DYNC1H1: variants seen among roughly 807,000 people sequenced by gnomAD.
DYNC1H1 encodes dynein cytoplasmic 1 heavy chain 1.
Under a neutral mutation model 527.1 loss-of-function variants are expected in DYNC1H1, and 51 were observed. The ratio of observed to expected loss-of-function variants is 0.10; its 90% CI spans 0.08 to 0.12. The LOEUF (loss-of-function observed/expected upper bound fraction) is 0.12, where lower values mean the gene tolerates loss of function less well. Ranked by LOEUF, DYNC1H1 falls within the 10% of genes least tolerant of loss-of-function variation. The pLI, the probability that DYNC1H1 is intolerant of heterozygous loss-of-function variation, is 1.00. For synonymous variants in DYNC1H1, 2,189 were observed against 2,278.8 expected, an observed-to-expected ratio of 0.96 and a Z score of 1.12; for missense variants, 2,771 against 5,971.8, an observed-to-expected ratio of 0.46 and a Z score of 17.66.
chr14:101,983,760 C>G lies in DYNC1H1; in HGVS notation c.1461+151C>G. On this transcript the variant is annotated intron_variant, in intron 7 of 77. Coordinates refer to ENST00000360184, the MANE Select transcript of DYNC1H1 (RefSeq NM_001376.5). The surrounding 1 kb of genome is among the most constrained non-coding windows in gnomAD (Gnocchi z 5.3). ...TGGCATGATCTTGGCTCACTGCAAC[C>G]TCCGCCTTCTGGGTTCAAGCGATTC... is the stretch of plus-strand genomic sequence containing the variant. The G allele has an allele frequency of 1.1e-6, 1 of 889,414 alleles. No homozygotes were observed. The highest frequency in any genetic ancestry group is 1.7e-6 in the Non-Finnish European group (1 of 578,064). 55.1% of individuals were successfully genotyped at this position (889,414 alleles called of 1,614,324 possible).
chr14:102,047,641 G>GTGTGTGTA, intron 72 of DYNC1H1, 176 bp from the exon 73 acceptor site: 4 of 316,750 alleles, frequency 1.3e-5, no homozygotes, highest in East Asian at 6.9e-5. Flanking sequence ...GTGTGTGTGT[G>GTGTGTGTA]TATATATATA....
chr14:102,025,501 G>T (rs1286398417), intron 43 of DYNC1H1, among the ~76,000 whole-genome samples: 2 of 148,810 alleles, frequency 1.3e-5, no homozygotes, highest in African/African-American at 5.0e-5. Context: ...GGCAGAGGTT[G>T]CAGTGAGCTG....
At position 102,047,620 on chromosome 14, in the gene DYNC1H1, CGTGT is replaced by C. The variant is rs71116873; in HGVS notation, c.13007-178_13007-175del. On this transcript the variant is annotated intron_variant, in intron 72 of 77. Transcript: ENST00000360184. ...ATATACACATATATGTATATATACA[CGTGT>C]GTGTGTGTGTGTGTGTGTATATATA... 6.0e-3 allele frequency: 1,955 copies of C among 323,480 alleles called. 78 individuals carry two copies. Among genetic ancestry groups the C allele is most frequent in the African/African-American group, 0.053 (1,370 of 25,654 alleles). 20.0% of individuals were successfully genotyped at this position (323,480 alleles called of 1,614,324 possible). A position where few individuals can be genotyped will look rare whatever the true frequency, so the allele number is the denominator to read the frequency against.
Position 102,022,692 on chromosome 14 carries a change from A to C in DYNC1H1, c.8508-59A>C, listed in dbSNP as rs966081004. 4.3e-6 allele frequency: 7 copies of C among 1,612,466 alleles called. No homozygotes were observed. In the East Asian group the frequency reaches 1.6e-4, roughly 36 times the overall value. On this transcript the variant is annotated intron_variant, in intron 42 of 77. Transcript: ENST00000360184. ...CACAGCACCCACAAACATGGTGAAC[A>C]TGGTGCTTCTTCACCGTGCCCTCTA...
At chr14:101,994,880 A>G (rs1355337286) in intron 13 of DYNC1H1, 31 bp downstream of exon 13, 12 of 1,614,022 alleles carry the variant, frequency 7.4e-6, no homozygotes, top group East Asian at 2.2e-5. Flanking sequence ...GAAAGGTGTC[A>G]CGGGTAGTGT....
chr14:102,033,727 A>G lies in DYNC1H1; in HGVS notation c.10413+243A>G, dbSNP rs1362180950. Reference sequence around the variant, plus strand: ...CGTTGAATCCCCCACCAGCAGCTCCAGACCTGTTTGCTCTGCTGCCTGAGG... The same window carrying G: ...CGTTGAATCCCCCACCAGCAGCTCCGGACCTGTTTGCTCTGCTGCCTGAGG... On this transcript the variant is annotated intron_variant, in intron 54 of 77. Transcript: ENST00000360184. The surrounding 1 kb of genome is among the most constrained non-coding windows in gnomAD (Gnocchi z 5.6). 49 of 686,442 alleles carry G rather than the reference A, an allele frequency of 7.1e-5. No individual in the cohort carries two copies. The East Asian group carries it at 1.1e-3, about 16-fold the overall frequency. 42.5% of individuals were successfully genotyped at this position (686,442 alleles called of 1,614,324 possible). A position where few individuals can be genotyped will look rare whatever the true frequency, so the allele number is the denominator to read the frequency against.
In DYNC1H1 at chr14:102,049,906, A is replaced by C. The variant is rs2048781337; in HGVS notation, c.13684+24A>C. 6.2e-7 allele frequency: 1 copy of C among 1,613,760 alleles called. No homozygotes were observed. The highest frequency in any genetic ancestry group is 1.7e-5 in the Admixed American group (1 of 60,018). The stretch of plus-strand genomic sequence containing the variant: ...GGGTGAGTGGAGTCTCACAGAAAAT[A>C]CTGGCTCTTTGCAGGTGACCTCGGT... On this transcript the variant is annotated intron_variant, in intron 76 of 77. Coordinates refer to ENST00000360184, the MANE Select transcript of DYNC1H1 (RefSeq NM_001376.5). The surrounding 1 kb of genome is among the most constrained non-coding windows in gnomAD (Gnocchi z 5.5).
Position 101,994,262 on chromosome 14 carries a change from G to T in DYNC1H1, c.3094G>T (p.Ala1032Ser). The T allele has an allele frequency of 6.2e-7, 1 of 1,614,198 alleles. No homozygotes were observed. The highest frequency in any genetic ancestry group is 8.5e-7 in the Non-Finnish European group (1 of 1,180,036). Residue 1032 changes from alanine (A) to serine (S), a missense_variant, in exon 12 of 78, where the codon GCC becomes TCC. This residue lies in a region of DYNC1H1 where 179 missense variants were observed against 349.4 expected (regional missense o/e 0.51). Transcript: ENST00000360184. ...ALTRMPDGPV[A>S]LEESYSAVMG... ...AACACGGATGCCTGATGGCCCTGTTGCCCTGGAAGAGTCGTATTCTGCTGT... is the reference window on the plus strand; with the variant it reads ...AACACGGATGCCTGATGGCCCTGTTTCCCTGGAAGAGTCGTATTCTGCTGT...
Position 101,965,850 on chromosome 14 carries a change from A to G in DYNC1H1, c.256+903A>G, listed in dbSNP as rs577037447. On this transcript the variant is annotated intron_variant, in intron 1 of 77. Coordinates refer to ENST00000360184, the MANE Select transcript of DYNC1H1 (RefSeq NM_001376.5). The surrounding 1 kb of genome is among the most constrained non-coding windows in gnomAD (Gnocchi z 4.1). Reference sequence around the variant, plus strand: ...AAAAAAAGATTCAGGTTAGGCACCTAGTAGGGGGAAGAGGCTAGAGTTAGC... The same window carrying G: ...AAAAAAAGATTCAGGTTAGGCACCTGGTAGGGGGAAGAGGCTAGAGTTAGC... Among the ~76,000 whole-genome samples the G allele has an allele frequency of 6.6e-6, 1 of 150,940 alleles. No individual in the cohort carries two copies. The highest frequency in any genetic ancestry group is 2.1e-4 in the South Asian group (1 of 4,782).
In DYNC1H1 at chr14:102,018,358, CAG is replaced by C; in HGVS notation, c.8178-92_8178-91del. On this transcript the variant is annotated intron_variant, in intron 40 of 77. Transcript: ENST00000360184. This position sits in a 1 kb window ranked among gnomAD's most constrained non-coding sequence, Gnocchi z 5.2. ...GCTGGGTTAGGAAGCGACCTCCAGA[CAG>C]GGCCCTGGACAGGGCGACTCCACTG... 6.5e-7 allele frequency: 1 copy of C among 1,538,334 alleles called. No individual in the cohort carries two copies.
At position 102,041,925 on chromosome 14, in the gene DYNC1H1, C is replaced by T; in HGVS notation, c.12103-88C>T. 2.6e-6 allele frequency: 4 copies of T among 1,518,340 alleles called. No homozygotes were observed. The South Asian group carries it at 3.4e-5, about 13-fold the overall frequency. The allele number at this position is 1,518,340 out of a possible 1,614,324, so 94.1% of individuals were successfully genotyped here. A position where few individuals can be genotyped will look rare whatever the true frequency, so the allele number is the denominator to read the frequency against. On this transcript the variant is annotated intron_variant, in intron 65 of 77. Coordinates refer to ENST00000360184, the MANE Select transcript of DYNC1H1 (RefSeq NM_001376.5). The surrounding 1 kb of genome is among the most constrained non-coding windows in gnomAD (Gnocchi z 4.5). ...TCTGGGCCCAGAAAGAACATCTTCTCAGGCCCCTCACTCGGGGCTCTCCTT... is the reference window on the plus strand; with the variant it reads ...TCTGGGCCCAGAAAGAACATCTTCTTAGGCCCCTCACTCGGGGCTCTCCTT...
rs549450740 is a variant in DYNC1H1 at position 102,001,897 on chromosome 14, C to G, written c.4542+216C>G. Among the ~76,000 whole-genome samples, 2 of 152,260 alleles carry G rather than the reference C, an allele frequency of 1.3e-5. No homozygotes were observed. Among genetic ancestry groups the G allele is most frequent in the South Asian group, 4.1e-4 (2 of 4,828 alleles). On this transcript the variant is annotated intron_variant, in intron 21 of 77. Transcript: ENST00000360184. The surrounding 1 kb of genome is among the most constrained non-coding windows in gnomAD (Gnocchi z 5.0). ...TCAAGTGATCTTCCCACCTCAGCCT[C>G]CAGGTAGCTGGGACCACAGGCACAT...
At chr14:101,984,413 G>A (rs1164523985) in intron 7 of DYNC1H1, among the ~76,000 whole-genome samples, 2 of 126,502 alleles carry the variant, frequency 1.6e-5, no homozygotes, top group East Asian at 4.3e-4. Context: ...GTGTGTGTGT[G>A]TGTGTGTGTG....
Position 102,041,822 on chromosome 14 carries a change from C to G in DYNC1H1, c.12102+88C>G. ...TGGCAGCAGCCCTGGCATCTGCTCTCACTCCGGGCTACAGTCTCCTCCTAA... is the reference window on the plus strand; with the variant it reads ...TGGCAGCAGCCCTGGCATCTGCTCTGACTCCGGGCTACAGTCTCCTCCTAA... On this transcript the variant is annotated intron_variant, in intron 65 of 77. Coordinates refer to ENST00000360184, the MANE Select transcript of DYNC1H1 (RefSeq NM_001376.5). This position sits in a 1 kb window ranked among gnomAD's most constrained non-coding sequence, Gnocchi z 4.5. The G allele has an allele frequency of 6.3e-7, 1 of 1,596,976 alleles. No homozygotes were observed. The highest frequency in any genetic ancestry group is 1.3e-5 in the African/African-American group (1 of 74,692).
chr14:102,022,987 G>A (rs748038813), intron 43 of DYNC1H1, 107 bp downstream of exon 43: 88 of 1,545,250 alleles, frequency 5.7e-5, no homozygotes, highest in Non-Finnish European at 7.6e-5. Flanking sequence ...TTTAGGCTGG[G>A]TATGGTGTCT....
In DYNC1H1 at chr14:102,016,810, T is replaced by C. The variant is rs760346217; in HGVS notation, c.7659T>C (p.Pro2553=). 6.8e-6 allele frequency: 11 copies of C among 1,613,932 alleles called. No homozygotes were observed. The Middle Eastern group carries it at 5.0e-4, about 73-fold the overall frequency. Residue 2553 remains proline (P), a synonymous_variant, in exon 38 of 78, where the codon CCT becomes CCC. Coordinates refer to ENST00000360184, the MANE Select transcript of DYNC1H1 (RefSeq NM_001376.5). The surrounding 1 kb of genome is among the most constrained non-coding windows in gnomAD (Gnocchi z 7.3). The part of the protein sequence containing the change: ...GEWSPWQAKV[P]QIEVETHKVA... ...GGTCTCCGTGGCAGGCCAAGGTGCC[T>C]CAGATTGAAGTGGAGACGCACAAGG...
At chr14:102,050,382 C>G in intron 77 of DYNC1H1, 53 bp from the exon 78 acceptor site, 1 of 1,614,104 alleles carries the variant, frequency 6.2e-7, no homozygotes, top group South Asian at 1.1e-5. Context: ...GGGCAGTCTT[C>G]CAGTTTTCTT....
At chr14:102,009,457 G>C (rs576609449) in intron 29 of DYNC1H1, 195 of 258,092 alleles carry the variant, frequency 7.6e-4, no homozygotes, top group Non-Finnish European at 1.3e-3. Context: ...GATGCTAGGA[G>C]CAGGTAATTC....
Position 102,032,249 on chromosome 14 carries a change from C to T in DYNC1H1, c.9884-23C>T, listed in dbSNP as rs117455218. ...CTATCTTCTCCCACCCATCGACCCT[C>T]ATCCACTCCTGCTGCCACTCAGCTG... is the stretch of plus-strand genomic sequence containing the variant. On this transcript the variant is annotated intron_variant, in intron 51 of 77. Transcript: ENST00000360184. 3.4e-3 allele frequency: 5,455 copies of T among 1,612,974 alleles called. 38 individuals are homozygous for T. The highest frequency in any genetic ancestry group is 3.3e-3 in the Non-Finnish European group (3,939 of 1,179,986).
Sources: allele counts gnomAD v4.1 joint callset (sites outside exome capture counted in the v4.1 genomes callset), GRCh38; gene constraint gnomAD v4.1.1; regional missense constraint gnomAD v4.1.1; non-coding constraint Gnocchi (gnomAD v3.1); transcripts MANE v1.5; gene names NCBI Gene and HGNC (gene_info 2026-07-23, HGNC 2026-07-21).